Variants in ACSBG1 observed in about 807,000 individuals in gnomAD.
The protein encoded by ACSBG1 is acyl-CoA synthetase bubblegum family member 1, also known as long-chain-fatty-acid--CoA ligase ACSBG1.
ACSBG1 carries 39 observed loss-of-function variants against 80.2 expected under a neutral mutation model. The observed-to-expected ratio is 0.49, with a 90% CI of 0.38 to 0.64. The LOEUF (loss-of-function observed/expected upper bound fraction) is 0.64. ACSBG1 is among the 30% of genes least tolerant of loss of function. The pLI is 0.00. For missense variants in ACSBG1, 828 were observed against 966.4 expected, an observed-to-expected ratio of 0.86 and a Z score of 1.90; for synonymous variants, 392 against 379.5, an observed-to-expected ratio of 1.03 and a Z score of -0.38.
chr15:78,217,952 A>G (rs1308256607), intron 1 of ACSBG1, among the ~76,000 whole-genome samples: 2 of 152,172 alleles, frequency 1.3e-5, no homozygotes, highest in Non-Finnish European at 2.9e-5. Context: ...GACACAGAGA[A>G]CGGCCAGCTG....
Position 78,216,357 on chromosome 15 carries a change from T to C in ACSBG1, c.132-8255A>G, listed in dbSNP as rs144353991. On this transcript the variant is annotated intron_variant, in intron 1 of 13. Coordinates refer to ENST00000258873, the MANE Select transcript of ACSBG1 (RefSeq NM_015162.5). ...GCTGGGCCCAGGCTTGGGGAGGGGG[T>C]ATAATGATGTTAAAGGAAGAAAGCT... Among the ~76,000 whole-genome samples the C allele has an allele frequency of 9.6e-3, 1,445 of 151,040 alleles. 24 individuals carry two copies. The highest frequency in any genetic ancestry group is 0.032 in the African/African-American group (1,314 of 41,004).
Position 78,169,236 on chromosome 15 carries a change from A to G in ACSBG1, c.*2208T>C. 1 of 340,306 alleles carries G rather than the reference A, an allele frequency of 2.9e-6. No homozygotes were observed. Among genetic ancestry groups the G allele is most frequent in the East Asian group, 4.4e-5 (1 of 22,486 alleles). 21.1% of individuals were successfully genotyped at this position (340,306 alleles called of 1,614,324 possible). A position where few individuals can be genotyped will look rare whatever the true frequency, so the allele number is the denominator to read the frequency against. ...TTTATTTATTAAGTGTCTACCTGGT[A>G]AATGTTTTTTTTGTAAACTCTGAGT... is the stretch of plus-strand genomic sequence containing the variant. On this transcript the variant is annotated 3_prime_UTR_variant, in exon 14 of 14. Transcript: ENST00000258873.
chr15:78,180,446 C>A (rs1397803330), intron 9 of ACSBG1, among the ~76,000 whole-genome samples: 1 of 152,198 alleles, frequency 6.6e-6, no homozygotes, highest in Non-Finnish European at 1.5e-5. Context: ...CCTTCTCCAG[C>A]CACTTACTGA....
chr15:78,212,247 G>T (rs1002571307), intron 1 of ACSBG1, among the ~76,000 whole-genome samples: 8 of 152,138 alleles, frequency 5.3e-5, no homozygotes, highest in Non-Finnish European at 1.0e-4. Context: ...CTATGTGGCC[G>T]AGTCACGGTT....
At chr15:78,181,941 G>A in intron 8 of ACSBG1, 28 bp downstream of exon 8, 1 of 1,607,040 alleles carries the variant, frequency 6.2e-7, no homozygotes, top group Non-Finnish European at 8.5e-7. Flanking sequence ...CACGGGCTCA[G>A]ACGGACACAC....
intron 2 of ACSBG1, among the ~76,000 whole-genome samples, chr15:78,204,918 A>G (rs1430947453): frequency 6.6e-6 from 1 of 152,138 alleles, no homozygotes; most frequent in African/African-American, 2.4e-5. Context: ...TTGACCCACA[A>G]AGGGCTTCAC....
chr15:78,202,203 C>CTAT (rs138759640), intron 2 of ACSBG1, among the ~76,000 whole-genome samples: 37 of 151,730 alleles, frequency 2.4e-4, no homozygotes, highest in East Asian at 5.8e-4. Context: ...ATGTTCTTTC[C>CTAT]TATTATTATT....
intron 12 of ACSBG1, 62 bp from the exon 13 acceptor site, chr15:78,173,901 TGGA>T (rs2074855261): frequency 1.3e-6 from 2 of 1,565,300 alleles, no homozygotes; most frequent in East Asian, 4.5e-5. Context: ...GCCCTGGTCC[TGGA>T]GGAGGTCTTA....
rs1567096393 is a variant in ACSBG1, at chr15:78,215,764, AAGAAAGAAAG to A, written c.132-7672_132-7663del. On this transcript the variant is annotated intron_variant, in intron 1 of 13. Coordinates refer to ENST00000258873, the MANE Select transcript of ACSBG1 (RefSeq NM_015162.5). ...AAAGAAAGAAAGAAAGAAAGAAAGA[AAGAAAGAAAG>A]AAAGAAAGAAAGAGAAAGAAAGAGA... Among the ~76,000 whole-genome samples, 46 of 150,252 alleles carry A rather than the reference AAGAAAGAAAG, an allele frequency of 3.1e-4. 1 individual carries two copies.
rs1182947633 is a variant in ACSBG1, at chr15:78,174,878, T to C, written c.1703-354A>G. 16 of 336,622 alleles carry C rather than the reference T, an allele frequency of 4.8e-5. No individual in the cohort carries two copies. The East Asian group carries it at 1.2e-3, about 25-fold the overall frequency. The allele number at this position is 336,622 out of a possible 1,614,324, so 20.9% of individuals were successfully genotyped here. A position where few individuals can be genotyped will look rare whatever the true frequency, so the allele number is the denominator to read the frequency against. ...CTTTGCTTAATAACTACCATCCCTG[T>C]CACTCACACAGCACTCACCACCATG... On this transcript the variant is annotated intron_variant, in intron 11 of 13. Coordinates refer to ENST00000258873, the MANE Select transcript of ACSBG1 (RefSeq NM_015162.5).
At chr15:78,233,119 A>G (rs1049470383) in intron 1 of ACSBG1, among the ~76,000 whole-genome samples, 28 of 152,186 alleles carry the variant, frequency 1.8e-4, no homozygotes, top group Admixed American at 1.7e-3. Context: ...TGGGTGAGGA[A>G]GTCAGTCCAG....
At position 78,215,724 on chromosome 15, in the gene ACSBG1, GAGAAAGAAAGAAAGAAAGAA is replaced by G. The variant is rs56078523; in HGVS notation, c.132-7642_132-7623del. Among the ~76,000 whole-genome samples, 674 of 116,638 alleles carry G rather than the reference GAGAAAGAAAGAAAGAAAGAA, an allele frequency of 5.8e-3. 6 individuals carry two copies. The highest frequency in any genetic ancestry group is 0.016 in the African/African-American group (482 of 30,824). 76.5% of individuals were successfully genotyped at this position (116,638 alleles called of 152,430 possible). A position where few individuals can be genotyped will look rare whatever the true frequency, so the allele number is the denominator to read the frequency against. ...AGAAGGAAAGAGAGAAAGAAAGAAAGAGAAAGAAAGAAAGAAAGAAAGAAAGAAAGAAAGAAAGAAAGAAA... is the reference window on the plus strand; with the variant it reads ...AGAAGGAAAGAGAGAAAGAAAGAAAGAGAAAGAAAGAAAGAAAGAAAGAAA... On this transcript the variant is annotated intron_variant, in intron 1 of 13. Coordinates refer to ENST00000258873, the MANE Select transcript of ACSBG1 (RefSeq NM_015162.5).
intron 1 of ACSBG1, among the ~76,000 whole-genome samples, chr15:78,230,966 CTTAT>C (rs1427358664): frequency 6.6e-6 from 1 of 152,124 alleles, no homozygotes; most frequent in African/African-American, 2.4e-5. Flanking sequence ...ATCTCTCTGC[CTTAT>C]TTATCTAGTT....
In ACSBG1 at chr15:78,180,979, C is replaced by T. The variant is rs746484386; in HGVS notation, c.1072-43G>A. The T allele has an allele frequency of 8.2e-5, 130 of 1,592,164 alleles. 1 individual carries two copies. The South Asian group carries it at 1.4e-3, about 17-fold the overall frequency. On this transcript the variant is annotated intron_variant, in intron 8 of 13. Transcript: ENST00000258873. Reference sequence around the variant, plus strand: ...GGCAGGCCTGTTGGGTCAGGGGCATCTGGGGCCCAGGGGTCCCCTCTTACC... The same window carrying T: ...GGCAGGCCTGTTGGGTCAGGGGCATTTGGGGCCCAGGGGTCCCCTCTTACC...
chr15:78,181,240 A>G (rs772133901), intron 8 of ACSBG1, among the ~76,000 whole-genome samples: 15 of 152,120 alleles, frequency 9.9e-5, no homozygotes, highest in African/African-American at 1.7e-4. Context: ...TCGGCAGCAT[A>G]TGGTTTGAGA....
intron 5 of ACSBG1, among the ~76,000 whole-genome samples, chr15:78,191,890 C>G (rs1240439870): frequency 6.6e-6 from 1 of 152,176 alleles, no homozygotes; most frequent in African/African-American, 2.4e-5. Context: ...CCTCCACAAC[C>G]CGCCGCAAAG....
intron 1 of ACSBG1, among the ~76,000 whole-genome samples, chr15:78,222,829 G>C (rs1480674354): frequency 6.6e-6 from 1 of 151,644 alleles, no homozygotes; most frequent in Non-Finnish European, 1.5e-5. Context: ...ACTGAAATAA[G>C]TAAATGATCA....
intron 1 of ACSBG1, among the ~76,000 whole-genome samples, chr15:78,222,992 ATAGGT>A (rs2075370686): frequency 1.3e-5 from 2 of 152,334 alleles, no homozygotes; most frequent in Non-Finnish European, 1.5e-5. Context: ...TGCCCCATCA[ATAGGT>A]AGAATCTAAT....
intron 2 of ACSBG1, among the ~76,000 whole-genome samples, chr15:78,201,617 T>G (rs1228961923): frequency 6.6e-6 from 1 of 152,210 alleles, no homozygotes; most frequent in Non-Finnish European, 1.5e-5. Flanking sequence ...AGATGCATCT[T>G]CTAGCCTGGG....
Sources: allele counts gnomAD v4.1 joint callset (sites outside exome capture counted in the v4.1 genomes callset), GRCh38; gene constraint gnomAD v4.1.1; transcripts MANE v1.5; gene names NCBI Gene and HGNC (gene_info 2026-07-23, HGNC 2026-07-21).